ADGRG4: variants seen among roughly 807,000 people sequenced by gnomAD.
ADGRG4 encodes the protein adhesion G protein-coupled receptor G4.
In ADGRG4, 122 loss-of-function variants were observed where a neutral mutation model predicts 126.2. The ratio of observed to expected loss-of-function variants is 0.97; its 90% confidence interval spans 0.83 to 1.12. The LOEUF (loss-of-function observed/expected upper bound fraction) is 1.12, where lower values mean the gene tolerates loss of function less well. Among genes scored for constraint, ADGRG4 ranks in the 50% most tolerant of loss-of-function variants. ADGRG4 has a pLI of 0.00. For synonymous variants in ADGRG4, 943 were observed against 838.7 expected (o/e 1.12, Z -2.15); for missense variants, 2,481 against 2,251.8 (o/e 1.10, Z -2.06).
intron 15 of ADGRG4, among the ~76,000 whole-genome samples, chrX:136,376,051 T>C (rs953835852): frequency 8.9e-6 from 1 of 112,021 alleles, no homozygotes; most frequent in African/African-American, 3.2e-5. Context: ...TTTAAGACTT[T>C]GATCCATCTT....
intron 5 of ADGRG4, among the ~76,000 whole-genome samples, chrX:136,331,901 C>T (rs983490133): frequency 3.5e-4 from 37 of 107,010 alleles, no homozygotes; most frequent in African/African-American, 1.2e-3. Flanking sequence ...ACTGCAAGCT[C>T]CGCCTCCCGG....
Position 136,405,875 on chromosome X carries a change from A to G in ADGRG4, c.8838A>G (p.Thr2946=), listed in dbSNP as rs368253464. 160 of 1,202,204 alleles carry G rather than the reference A, an allele frequency of 1.3e-4. No homozygotes were observed. The highest frequency in any genetic ancestry group is 1.7e-4 in the Non-Finnish European group (155 of 891,104). ...LHDLKGTMSL[T]FLLGLTWGFA... is the part of the protein sequence containing the mutation. ...ACCTCAAAGGCACAATGAGCCTGACATTCTTACTTGGCCTCACCTGGGGGT... is the reference window on the plus strand; with the variant it reads ...ACCTCAAAGGCACAATGAGCCTGACGTTCTTACTTGGCCTCACCTGGGGGT... The change falls in exon 23 of 26, where the codon ACA becomes ACG. Residue 2946 remains threonine (T), a synonymous_variant. Coordinates refer to ENST00000394143, the MANE Select transcript of ADGRG4 (RefSeq NM_153834.4).
At chrX:136,316,110 G>T (rs1427087907) in intron 4 of ADGRG4, among the ~76,000 whole-genome samples, 1 of 111,677 alleles carries the variant, frequency 9.0e-6, no homozygotes, top group Non-Finnish European at 1.9e-5. Flanking sequence ...GCTCTGGCAG[G>T]CTCACTGGGT....
chrX:136,363,517 C>A lies in ADGRG4; in HGVS notation c.7318C>A (p.Pro2440Thr). ...CACGGGCAAATCTCAGTGGGAAAAG[C>A]CAAAGTTTAAACAATGCAAATTGCT... is the stretch of plus-strand genomic sequence containing the variant. ...INTGKSQWEK[P>T]KFKQCKLLQE... is the part of the protein sequence containing the mutation. Residue 2440 changes from proline (P) to threonine (T), a missense_variant, in exon 13 of 26, where the codon CCA (proline) becomes ACA (threonine). Physicochemically the swap from Pro to Thr is conservative, Grantham distance 38. Coordinates refer to ENST00000394143, the MANE Select transcript of ADGRG4 (RefSeq NM_153834.4). 8.3e-7 allele frequency: 1 copy of A among 1,205,475 alleles called. No homozygotes were observed. Among genetic ancestry groups the A allele is most frequent in the Non-Finnish European group, 1.1e-6 (1 of 889,890 alleles).
chrX:136,337,050 A>G (rs1028421801), intron 5 of ADGRG4, among the ~76,000 whole-genome samples: 2 of 110,603 alleles, frequency 1.8e-5, no homozygotes, highest in Admixed American at 1.9e-4. Context: ...CAGCAACCTC[A>G]AACTCCTGGG....
intron 24 of ADGRG4, among the ~76,000 whole-genome samples, chrX:136,413,833 C>T (rs951081109): frequency 9.1e-6 from 1 of 109,570 alleles, no homozygotes; most frequent in Non-Finnish European, 1.9e-5. Flanking sequence ...TTCCGCCTCC[C>T]GGGTTCAAGT....
chrX:136,344,908 C>T lies in ADGRG4; in HGVS notation c.1202C>T (p.Thr401Ile). Residue 401 changes from threonine (T) to isoleucine (I), a missense_variant, in exon 6 of 26, where the codon ACA (threonine) becomes ATA (isoleucine). Thr to Ile is a moderately conservative substitution (Grantham distance 89). Coordinates refer to ENST00000394143, the MANE Select transcript of ADGRG4 (RefSeq NM_153834.4). ...IKSQSAVTKTTSLFSTIESTS... is the reference protein window; with the variant it reads ...IKSQSAVTKTISLFSTIESTS... ...TCTCAGTCGGCTGTTACGAAGACAA[C>T]ATCTTTATTTTCAACTATTGAGTCA... 2 of 1,210,482 alleles carry T rather than the reference C, an allele frequency of 1.7e-6. No individual in the cohort carries two copies. Among genetic ancestry groups the T allele is most frequent in the Non-Finnish European group, 2.2e-6 (2 of 894,237 alleles).
intron 13 of ADGRG4, 28 bp from the exon 14 acceptor site, chrX:136,371,300 C>T (rs367868535): frequency 3.9e-6 from 4 of 1,038,778 alleles, no homozygotes; most frequent in African/African-American, 1.9e-5. Flanking sequence ...AGTCATGCAG[C>T]TTTTATGTCT....
At chrX:136,391,693 T>C (rs937372305) in intron 16 of ADGRG4, among the ~76,000 whole-genome samples, 2 of 112,498 alleles carry the variant, frequency 1.8e-5, no homozygotes, top group Non-Finnish European at 3.8e-5. Flanking sequence ...GCCTGGGCTC[T>C]GGCCTCAGAG....
chrX:136,341,632 TG>T (rs755514684), intron 5 of ADGRG4, among the ~76,000 whole-genome samples: 19 of 112,462 alleles, frequency 1.7e-4, no homozygotes, highest in African/African-American at 5.5e-4. Context: ...TAACATAATG[TG>T]CATCTGTGGT....
chrX:136,302,201 C>A (rs1459867933), intron 1 of ADGRG4, among the ~76,000 whole-genome samples: 1 of 111,927 alleles, frequency 8.9e-6, no homozygotes, highest in Non-Finnish European at 1.9e-5. Flanking sequence ...AATATTGATT[C>A]TTCCTACCCA....
intron 15 of ADGRG4, among the ~76,000 whole-genome samples, chrX:136,381,954 G>C (rs2075266280): frequency 9.0e-6 from 1 of 111,307 alleles, no homozygotes; most frequent in African/African-American, 3.3e-5. Context: ...TGATTAGATA[G>C]ATGGTGTCCA....
chrX:136,312,939 C>T (rs2074782040), intron 4 of ADGRG4, among the ~76,000 whole-genome samples: 1 of 112,352 alleles, frequency 8.9e-6, no homozygotes, highest in Non-Finnish European at 1.9e-5. Flanking sequence ...GCTTCTTCCA[C>T]TTTACACAAT....
In ADGRG4 at chrX:136,406,650, G is replaced by A. The variant is rs187185408; in HGVS notation, c.8935+678G>A. On this transcript the variant is annotated intron_variant, in intron 23 of 25. Transcript: ENST00000394143. ...AGCTAGGGGCCGGGTGTGATGGCTC[G>A]TGCCTGGAATCCCAGCACTTTTGGA... Among the ~76,000 whole-genome samples, 164 of 112,098 alleles carry A rather than the reference G, an allele frequency of 1.5e-3. 1 individual carries two copies. The highest frequency in any genetic ancestry group is 4.6e-3 in the Middle Eastern group (1 of 217).
At chrX:136,401,186 C>T (rs776917125) in intron 21 of ADGRG4, among the ~76,000 whole-genome samples, 1 of 111,626 alleles carries the variant, frequency 9.0e-6, no homozygotes, top group African/African-American at 3.3e-5. Context: ...TAGTACACTT[C>T]GGAATCCATC....
rs547324925 is a variant in ADGRG4, at chrX:136,349,617, G to T, written c.5911G>T (p.Val1971Phe). 3.4e-5 allele frequency: 41 copies of T among 1,207,299 alleles called. No individual in the cohort carries two copies. The highest frequency in any genetic ancestry group is 4.5e-5 in the Non-Finnish European group (40 of 893,395). The change falls in exon 6 of 26, where the codon GTT (valine) becomes TTT (phenylalanine). Residue 1971 changes from valine to phenylalanine, a missense_variant. By Grantham distance (50) the Val-to-Phe change is conservative. Coordinates refer to ENST00000394143, the MANE Select transcript of ADGRG4 (RefSeq NM_153834.4). The stretch of plus-strand genomic sequence containing the variant: ...AGCTATCACTTCCACATTGGCTGAC[G>T]TTAAGCACACATTTGAGAAAATGAC... ...LRAITSTLAD[V>F]KHTFEKMTTS...
chrX:136,392,384 A>T, intron 17 of ADGRG4, 30 bp downstream of exon 17: 1 of 1,122,756 alleles, frequency 8.9e-7, no homozygotes, highest in Non-Finnish European at 1.2e-6. Context: ...CTCAGAATCA[A>T]ATGGCCTCAG....
intron 5 of ADGRG4, among the ~76,000 whole-genome samples, chrX:136,336,573 A>G (rs1191096934): frequency 9.0e-6 from 1 of 111,670 alleles, no homozygotes; most frequent in African/African-American, 3.3e-5. Flanking sequence ...TGGTGAAGCA[A>G]TGCATTTATT....
intron 1 of ADGRG4, among the ~76,000 whole-genome samples, chrX:136,301,379 T>A (rs2074698595): frequency 8.9e-6 from 1 of 112,662 alleles, no homozygotes; most frequent in Admixed American, 9.4e-5. Flanking sequence ...GCTGCATAAA[T>A]GTCTTCTTTT....
Sources: gnomAD v4.1 joint callset for allele counts (sites outside exome capture counted in the v4.1 genomes callset) on GRCh38, gnomAD v4.1.1 for gene constraint, MANE v1.5 for transcripts, NCBI Gene and HGNC (gene_info 2026-07-23, HGNC 2026-07-21) for gene names.